The following CACNA2D1 variants were observed in gnomAD, a reference collection of about 807,000 sequenced individuals.
The protein encoded by CACNA2D1 is voltage-dependent calcium channel subunit alpha-2/delta-1.
In CACNA2D1, 53 loss-of-function variants were observed where a neutral mutation model predicts 171.5. The ratio of observed to expected loss-of-function variants is 0.31; its 90% CI spans 0.25 to 0.39. CACNA2D1 has a LOEUF of 0.39. Among genes scored for constraint, CACNA2D1 ranks in the 10% least tolerant of loss-of-function variants. The probability of loss-of-function intolerance (pLI) is 1.00; values close to 1 mark genes in which losing one functional copy is unlikely to be tolerated. For synonymous variants in CACNA2D1, 442 were observed against 443.1 expected (o/e 1.00, Z 0.03); for missense variants, 903 against 1,299.8 (o/e 0.69, Z 4.69).
At chr7:82,297,200 A>G (rs1243744232) in intron 3 of CACNA2D1, among the ~76,000 whole-genome samples, 2 of 152,014 alleles carry the variant, frequency 1.3e-5, no homozygotes, top group African/African-American at 4.8e-5. Context: ...GCAGTGAGCA[A>G]GGTCGTGCCA....
intron 1 of CACNA2D1, among the ~76,000 whole-genome samples, chr7:82,413,170 T>C (rs1563518409): frequency 2.0e-5 from 3 of 152,216 alleles, no homozygotes; most frequent in South Asian, 2.1e-4. Flanking sequence ...TAATTGAACA[T>C]TTCTTAGTCA....
At chr7:82,266,641 C>CGAGT (rs1208574004) in intron 3 of CACNA2D1, among the ~76,000 whole-genome samples, 1 of 151,948 alleles carries the variant, frequency 6.6e-6, no homozygotes, top group Non-Finnish European at 1.5e-5. Flanking sequence ...CTCAGCCTCC[C>CGAGT]GAGTAGGCAG....
At chr7:82,317,080 T>C (rs963967503) in intron 3 of CACNA2D1, among the ~76,000 whole-genome samples, 1 of 152,214 alleles carries the variant, frequency 6.6e-6, no homozygotes, top group African/African-American at 2.4e-5. Context: ...TTTCACTGGT[T>C]AATGTTAGTT....
intron 3 of CACNA2D1, among the ~76,000 whole-genome samples, chr7:82,231,024 C>CAG (rs1306354883): frequency 6.6e-6 from 1 of 152,176 alleles, no homozygotes; most frequent in Admixed American, 6.5e-5. Context: ...CCTCAAAAAG[C>CAG]CATGTCAGCA....
At chr7:82,239,767 T>G (rs2129292793) in intron 3 of CACNA2D1, among the ~76,000 whole-genome samples, 1 of 152,262 alleles carries the variant, frequency 6.6e-6, no homozygotes, top group Admixed American at 6.5e-5. Context: ...ACTAGTGAAT[T>G]ACTTTGTAAA....
intron 1 of CACNA2D1, among the ~76,000 whole-genome samples, chr7:82,399,489 A>G (rs899839166): frequency 1.3e-5 from 2 of 152,130 alleles, no homozygotes. Context: ...TAGAAATTCA[A>G]CTATTTTCAC....
intron 5 of CACNA2D1, among the ~76,000 whole-genome samples, chr7:82,127,513 T>C (rs1790462579): frequency 6.6e-6 from 1 of 152,176 alleles, no homozygotes; most frequent in Admixed American, 6.5e-5. Flanking sequence ...CTAAATATTA[T>C]TTCTACCTCA....
At chr7:82,188,666 T>G (rs1476670652) in intron 3 of CACNA2D1, among the ~76,000 whole-genome samples, 2 of 152,268 alleles carry the variant, frequency 1.3e-5, no homozygotes, top group African/African-American at 2.4e-5. Flanking sequence ...ATCTGATTTT[T>G]GGGTATATAC....
intron 3 of CACNA2D1, among the ~76,000 whole-genome samples, chr7:82,291,556 A>T (rs1392224043): frequency 2.9e-5 from 4 of 139,918 alleles, no homozygotes; most frequent in Non-Finnish European, 6.1e-5. Context: ...GATATATATA[A>T]ATATATATAT....
At chr7:82,421,770 T>C (rs574426691) in intron 1 of CACNA2D1, among the ~76,000 whole-genome samples, 1 of 152,196 alleles carries the variant, frequency 6.6e-6, no homozygotes, top group South Asian at 2.1e-4. Context: ...TAATTCACCA[T>C]CTCATTGCAA....
intron 3 of CACNA2D1, among the ~76,000 whole-genome samples, chr7:82,176,483 G>A (rs1314511835): frequency 6.6e-6 from 1 of 151,828 alleles, no homozygotes; most frequent in Admixed American, 6.6e-5. Context: ...CACATGTGCT[G>A]TACTTACAGA....
intron 3 of CACNA2D1, among the ~76,000 whole-genome samples, chr7:82,239,986 C>A (rs115093011): frequency 0.014 from 2,147 of 152,108 alleles, 32 homozygotes; most frequent in Middle Eastern, 0.061. Context: ...TATAAAGAAG[C>A]AATAAATAAT....
intron 3 of CACNA2D1, among the ~76,000 whole-genome samples, chr7:82,313,836 G>A (rs1814770054): frequency 6.6e-6 from 1 of 151,998 alleles, no homozygotes; most frequent in Non-Finnish European, 1.5e-5. Context: ...TGGGTAATAG[G>A]ATTTCGAGTA....
intron 1 of CACNA2D1, among the ~76,000 whole-genome samples, chr7:82,441,109 TG>T (rs1403729002): frequency 6.6e-6 from 1 of 152,082 alleles, no homozygotes; most frequent in Non-Finnish European, 1.5e-5. Context: ...ATTTGAGATT[TG>T]TCCTGATTAA....
intron 2 of CACNA2D1, among the ~76,000 whole-genome samples, chr7:82,348,612 T>C (rs17156185): frequency 0.022 from 3,293 of 152,310 alleles, 149 homozygotes; most frequent in African/African-American, 0.074. Flanking sequence ...AAAGAGATTC[T>C]GGTATAATTT....
At chr7:82,255,103 T>C (rs1485235248) in intron 3 of CACNA2D1, among the ~76,000 whole-genome samples, 2 of 152,206 alleles carry the variant, frequency 1.3e-5, no homozygotes, top group African/African-American at 4.8e-5. Context: ...GGTACTCAAA[T>C]CCTAACCTGT....
intron 2 of CACNA2D1, among the ~76,000 whole-genome samples, chr7:82,342,649 G>A (rs946208601): frequency 1.3e-5 from 2 of 152,118 alleles, no homozygotes; most frequent in East Asian, 1.9e-4. Flanking sequence ...TTCCAATGAA[G>A]AGATATAGAA....
At chr7:82,341,224 T>G (rs532486779) in intron 2 of CACNA2D1, among the ~76,000 whole-genome samples, 1 of 152,216 alleles carries the variant, frequency 6.6e-6, no homozygotes, top group Non-Finnish European at 1.5e-5. Flanking sequence ...TTCCCTTAAC[T>G]AAACAAATAC....
rs183228860 is a variant in CACNA2D1, at chr7:82,090,981, A to G, written c.527-6081T>C. On this transcript the variant is annotated intron_variant, in intron 6 of 38. Transcript: ENST00000356860. ...CTTAAGAAAAGAGCTGCATTATCAG[A>G]TAAGCTGAGCCAGATGTCACTAATT... Among the ~76,000 whole-genome samples, 227 of 152,294 alleles carry G rather than the reference A, an allele frequency of 1.5e-3. 3 individuals carry two copies. Among genetic ancestry groups the G allele is most frequent in the East Asian group, 0.015 (76 of 5,174 alleles).
Sources: gnomAD v4.1 joint callset for allele counts (sites outside exome capture counted in the v4.1 genomes callset) on GRCh38, gnomAD v4.1.1 for gene constraint, MANE v1.5 for transcripts, NCBI Gene and HGNC (gene_info 2026-07-23, HGNC 2026-07-21) for gene names.